TEK: variants seen among roughly 807,000 people sequenced by gnomAD.
The protein encoded by TEK is angiopoietin-1 receptor.
Under a neutral mutation model 131.8 loss-of-function variants are expected in TEK, and 43 were observed. The ratio of observed to expected loss-of-function variants is 0.33; its 90% confidence interval spans 0.26 to 0.42. The LOEUF is 0.42. Among genes scored for constraint, TEK ranks in the 10% least tolerant of loss-of-function variants. The probability of loss-of-function intolerance (pLI) is 1.00; values close to 1 mark genes in which losing one functional copy is unlikely to be tolerated. For missense variants in TEK, 1,162 were observed against 1,384.4 expected, an observed-to-expected ratio of 0.84 and a Z score of 2.55; for synonymous variants, 580 against 491.6, an observed-to-expected ratio of 1.18 and a Z score of -2.38.
chr9:27,193,660 C>T (rs1277133270), intron 11 of TEK, among the ~76,000 whole-genome samples: 1 of 152,112 alleles, frequency 6.6e-6, no homozygotes, highest in African/African-American at 2.4e-5. Context: ...TTGGTCAGTA[C>T]TTTATACTTT....
In TEK at chr9:27,202,951, G is replaced by A; in HGVS notation, c.2041G>A (p.Glu681Lys). ...CCGTTACAAGGTTCAAGGCAAGAAT[G>A]AAGACCAGCACGTTGATGTGAAGAT... is the stretch of plus-strand genomic sequence containing the variant. ...TIRYKVQGKN[E>K]DQHVDVKIKN... The change falls in exon 13 of 23, where the codon GAA (glutamate) becomes AAA (lysine). Residue 681 changes from glutamate to lysine, a missense_variant. Transcript: ENST00000380036. 1 of 1,614,098 alleles carries A rather than the reference G, an allele frequency of 6.2e-7. No individual in the cohort carries two copies. The highest frequency in any genetic ancestry group is 8.5e-7 in the Non-Finnish European group (1 of 1,180,004).
At chr9:27,228,351 T>G in intron 22 of TEK, 46 bp downstream of exon 22, 1 of 1,433,750 alleles carries the variant, frequency 7.0e-7, no homozygotes, top group Non-Finnish European at 9.8e-7. Flanking sequence ...GAATACCTGA[T>G]GTGCCCAGGG....
rs1347397840 is a variant in TEK at position 27,217,742 on chromosome 9, A to G, written c.3046A>G (p.Thr1016Ala). The change falls in exon 19 of 23, where the codon ACA (threonine) becomes GCA (alanine). Residue 1016 changes from threonine (T) to alanine (A), a missense_variant. Transcript: ENST00000380036. ...CGAGTCACTGAATTACAGTGTGTAC[A>G]CAACCAACAGTGATGTGTGAGTAAA... is the stretch of plus-strand genomic sequence containing the variant. Reference protein sequence around the residue: ...AIESLNYSVYTTNSDVWSYGV... With the variant: ...AIESLNYSVYATNSDVWSYGV... The G allele has an allele frequency of 6.2e-7, 1 of 1,613,874 alleles. No individual in the cohort carries two copies. Among genetic ancestry groups the G allele is most frequent in the Non-Finnish European group, 8.5e-7 (1 of 1,179,862 alleles).
chr9:27,132,748 AATGTAGAC>A (rs1822272630), intron 1 of TEK, among the ~76,000 whole-genome samples: 1 of 152,236 alleles, frequency 6.6e-6, no homozygotes, highest in South Asian at 2.1e-4. Flanking sequence ...CAGGTGGGAA[AATGTAGAC>A]ATACAGAAAA....
intron 1 of TEK, among the ~76,000 whole-genome samples, chr9:27,116,859 AT>A (rs66900456): frequency 0.35 from 41,839 of 120,122 alleles, 6,005 homozygotes; most frequent in East Asian, 0.57. Context: ...ATGGAAAGAA[AT>A]TTTTTTTTTT....
intron 1 of TEK, among the ~76,000 whole-genome samples, chr9:27,143,841 C>G (rs188829554): frequency 1.3e-5 from 2 of 152,258 alleles, no homozygotes; most frequent in Middle Eastern, 3.4e-3. Context: ...TAAGACATAA[C>G]CCCTTCCATG....
At chr9:27,227,685 G>A (rs915774451) in intron 21 of TEK, among the ~76,000 whole-genome samples, 6 of 152,086 alleles carry the variant, frequency 3.9e-5, no homozygotes, top group Non-Finnish European at 8.8e-5. Flanking sequence ...CTCATGACCT[G>A]ATCACCTCCC....
At chr9:27,184,047 T>G (rs903327554) in intron 8 of TEK, among the ~76,000 whole-genome samples, 1 of 152,164 alleles carries the variant, frequency 6.6e-6, no homozygotes, top group African/African-American at 2.4e-5. Context: ...ACATGGAGTT[T>G]TGATGACCGG....
In TEK at chr9:27,109,495, G is replaced by A. The variant is rs534352362; in HGVS notation, c.-96G>A. The stretch of plus-strand genomic sequence containing the variant: ...ACTTGTAAACAAGACGTAGTAGGAC[G>A]ATGCTAATGGAAAGTCACAAACCGC... On this transcript the variant is annotated 5_prime_UTR_variant, in exon 1 of 23. Transcript: ENST00000380036. 6 of 1,239,916 alleles carry A rather than the reference G, an allele frequency of 4.8e-6. No homozygotes were observed. Among genetic ancestry groups the A allele is most frequent in the Middle Eastern group, 3.7e-4 (2 of 5,350 alleles). 76.8% of individuals were successfully genotyped at this position (1,239,916 alleles called of 1,614,324 possible). A position where few individuals can be genotyped will look rare whatever the true frequency, so the allele number is the denominator to read the frequency against.
intron 20 of TEK, among the ~76,000 whole-genome samples, chr9:27,219,236 G>A (rs545375314): frequency 2.6e-5 from 4 of 152,232 alleles, no homozygotes; most frequent in East Asian, 1.9e-4. Context: ...TACACAGAAA[G>A]GTAATAACAT....
chr9:27,139,103 G>A (rs1308349882), intron 1 of TEK, among the ~76,000 whole-genome samples: 6 of 150,344 alleles, frequency 4.0e-5, no homozygotes, highest in Non-Finnish European at 3.0e-5. Flanking sequence ...CAGCTACTCC[G>A]GAGGGAGGCT....
In TEK at chr9:27,134,605, T is replaced by C. The variant is rs1386074945; in HGVS notation, c.53-23226T>C. The stretch of plus-strand genomic sequence containing the variant: ...CTTGCTGACTAGTCATATTTTAAAA[T>C]TCTGAATCTAGAGATCTTAGACTTC... On this transcript the variant is annotated intron_variant, in intron 1 of 22. Transcript: ENST00000380036. Among the ~76,000 whole-genome samples, 3 of 152,218 alleles carry C rather than the reference T, an allele frequency of 2.0e-5. No individual in the cohort carries two copies. The East Asian group carries it at 5.8e-4, about 29-fold the overall frequency.
intron 14 of TEK, 128 bp from the exon 15 acceptor site, chr9:27,206,454 C>T (rs1301431556): frequency 6.3e-6 from 7 of 1,110,900 alleles, no homozygotes; most frequent in Non-Finnish European, 7.9e-6. Context: ...AACCTATTTC[C>T]CTTTCCAGTC....
chr9:27,195,553 C>G (rs1033112909), intron 11 of TEK: 8 of 439,246 alleles, frequency 1.8e-5, no homozygotes, highest in African/African-American at 1.4e-4. Flanking sequence ...GATTGTGTCC[C>G]TACTGAGAAT....
intron 21 of TEK, among the ~76,000 whole-genome samples, chr9:27,227,958 G>C (rs1416577675): frequency 1.3e-5 from 2 of 152,114 alleles, no homozygotes; most frequent in African/African-American, 4.8e-5. Flanking sequence ...GTTCTTTCTA[G>C]ATGATTGCAA....
chr9:27,228,239 G>A lies in TEK; in HGVS notation c.3234G>A (p.Lys1078=), dbSNP rs1290272702. ...YDLMRQCWRE[K]PYERPSFAQI... is the part of the protein sequence containing the mutation. ...TAATGAGACAATGCTGGCGGGAGAA[G>A]CCTTATGAGAGGCCATCATTTGCCC... The change falls in exon 22 of 23, where the codon AAG becomes AAA. Residue 1078 remains lysine, a synonymous_variant. Transcript: ENST00000380036. 1 of 1,613,070 alleles carries A rather than the reference G, an allele frequency of 6.2e-7. No homozygotes were observed. The highest frequency in any genetic ancestry group is 2.2e-5 in the East Asian group (1 of 44,860).
chr9:27,139,322 A>ATTTTTTT lies in TEK; in HGVS notation c.53-18492_53-18486dup, dbSNP rs1158698852. Among the ~76,000 whole-genome samples the ATTTTTTT allele has an allele frequency of 1.4e-4, 12 of 86,922 alleles. 1 individual carries two copies. The highest frequency in any genetic ancestry group is 2.2e-4 in the Non-Finnish European group (10 of 45,506). 57.0% of individuals were successfully genotyped at this position (86,922 alleles called of 152,430 possible). On this transcript the variant is annotated intron_variant, in intron 1 of 22. Coordinates refer to ENST00000380036, the MANE Select transcript of TEK (RefSeq NM_000459.5). ...AATTATTTGGAAGACAGCTTTAACA[A>ATTTTTTT]TTTTTTTTTTTTTTTTTTTTTTTGA...
chr9:27,218,449 C>T (rs1014122835), intron 19 of TEK, among the ~76,000 whole-genome samples: 1 of 152,102 alleles, frequency 6.6e-6, no homozygotes, highest in Non-Finnish European at 1.5e-5. Flanking sequence ...GTTTCCAGGT[C>T]ACATAAGTAT....
At chr9:27,128,388 T>A (rs982295343) in intron 1 of TEK, among the ~76,000 whole-genome samples, 1 of 152,204 alleles carries the variant, frequency 6.6e-6, no homozygotes, top group African/African-American at 2.4e-5. Flanking sequence ...GGACTTGTAG[T>A]ATAGTTTGAA....
Sources: gnomAD v4.1 joint callset for allele counts (sites outside exome capture counted in the v4.1 genomes callset) on GRCh38, gnomAD v4.1.1 for gene constraint, MANE v1.5 for transcripts, NCBI Gene and HGNC (gene_info 2026-07-23, HGNC 2026-07-21) for gene names.